GABRG3: variants seen among roughly 807,000 people sequenced by gnomAD.
GABRG3 encodes gamma-aminobutyric acid type A receptor subunit gamma3, also known as gamma-aminobutyric acid receptor subunit gamma-3.
GABRG3 carries 25 observed loss-of-function variants against 48.8 expected under a neutral mutation model. That is an observed-to-expected ratio of 0.51 (90% CI 0.37 to 0.72). The LOEUF is 0.72. GABRG3 is among the 30% of genes least tolerant of loss of function. GABRG3 has a pLI of 0.00. For missense variants in GABRG3, 394 were observed against 577.9 expected (o/e 0.68, Z 3.26); for synonymous variants, 227 against 217.6 (o/e 1.04, Z -0.38).
At chr15:27,531,457 C>T (rs1891422638) in intron 9 of GABRG3, among the ~76,000 whole-genome samples, 1 of 152,194 alleles carries the variant, frequency 6.6e-6, no homozygotes, top group Middle Eastern at 3.2e-3. Context: ...TGTTACGATG[C>T]TTTCTAATGA....
chr15:27,283,730 C>T (rs1262143386), intron 3 of GABRG3, among the ~76,000 whole-genome samples: 6 of 152,174 alleles, frequency 3.9e-5, no homozygotes, highest in African/African-American at 1.4e-4. Context: ...TTCCCCAGCA[C>T]TCTGAGGCAT....
intron 5 of GABRG3, among the ~76,000 whole-genome samples, chr15:27,403,300 C>G (rs548937902): frequency 6.6e-6 from 1 of 152,008 alleles, no homozygotes; most frequent in South Asian, 2.1e-4. Context: ...AAGAGCCAGG[C>G]ATATGTAATT....
At chr15:27,392,811 C>T (rs1887177125) in intron 5 of GABRG3, among the ~76,000 whole-genome samples, 1 of 152,146 alleles carries the variant, frequency 6.6e-6, no homozygotes, top group Non-Finnish European at 1.5e-5. Flanking sequence ...GGGTTATAAC[C>T]CAACATTACT....
chr15:27,189,349 C>T (rs62001267), intron 3 of GABRG3, among the ~76,000 whole-genome samples: 39,994 of 151,894 alleles, frequency 0.26, 5,665 homozygotes, highest in South Asian at 0.44. Context: ...ATTGATTCTT[C>T]CTACCCATGA....
intron 3 of GABRG3, among the ~76,000 whole-genome samples, chr15:27,229,006 C>T (rs183558955): frequency 1.7e-3 from 257 of 152,216 alleles, no homozygotes; most frequent in African/African-American, 5.5e-3. Context: ...TTATTCTATT[C>T]TGTAGGTTGT....
At chr15:27,171,581 G>T (rs1176887896) in intron 3 of GABRG3, among the ~76,000 whole-genome samples, 3 of 150,658 alleles carry the variant, frequency 2.0e-5, no homozygotes, top group African/African-American at 7.3e-5. Flanking sequence ...TATATAGAGA[G>T]AGAGAGATGC....
At chr15:27,351,423 A>ATGTT (rs201787650) in intron 5 of GABRG3, among the ~76,000 whole-genome samples, 2,528 of 91,832 alleles carry the variant, frequency 0.028, 90 homozygotes, top group African/African-American at 0.099. Context: ...GTGTGTGTGT[A>ATGTT]TGTGTGTATG....
chr15:27,189,309 T>G, intron 3 of GABRG3, among the ~76,000 whole-genome samples: 1 of 151,772 alleles, frequency 6.6e-6, no homozygotes, highest in African/African-American at 2.4e-5. Context: ...ATCTATAAAT[T>G]ACCTTGGGCA....
At chr15:27,274,299 C>T (rs1891182897) in intron 3 of GABRG3, among the ~76,000 whole-genome samples, 1 of 152,248 alleles carries the variant, frequency 6.6e-6, no homozygotes, top group Non-Finnish European at 1.5e-5. Flanking sequence ...AACACGACAC[C>T]TGAGGCTGGG....
intron 2 of GABRG3, among the ~76,000 whole-genome samples, chr15:27,008,529 T>G (rs1175154341): frequency 6.6e-6 from 1 of 152,352 alleles, no homozygotes; most frequent in East Asian, 1.9e-4. Flanking sequence ...GGTACTCTGC[T>G]GTGCTAGAAG....
chr15:27,434,363 C>A (rs1279510752), intron 5 of GABRG3, among the ~76,000 whole-genome samples: 2 of 152,116 alleles, frequency 1.3e-5, no homozygotes, highest in African/African-American at 4.8e-5. Flanking sequence ...AAGCACAGAG[C>A]AAAAGAAACG....
intron 3 of GABRG3, among the ~76,000 whole-genome samples, chr15:27,176,847 C>T (rs1021110296): frequency 6.6e-5 from 10 of 152,112 alleles, no homozygotes; most frequent in African/African-American, 2.2e-4. Flanking sequence ...CAGCTACCTG[C>T]GTTTACTATT....
chr15:27,503,363 C>G (rs1036189973), intron 6 of GABRG3, among the ~76,000 whole-genome samples: 2 of 152,232 alleles, frequency 1.3e-5, no homozygotes, highest in Admixed American at 6.5e-5. Context: ...TCGATCACCA[C>G]ATGGGCCTCT....
intron 5 of GABRG3, among the ~76,000 whole-genome samples, chr15:27,384,980 T>C (rs1416278563): frequency 6.6e-6 from 1 of 152,190 alleles, no homozygotes. Context: ...TTTTCATACT[T>C]GCATACATCT....
intron 3 of GABRG3, among the ~76,000 whole-genome samples, chr15:27,053,364 A>G (rs1186621126): frequency 1.3e-5 from 2 of 152,244 alleles, no homozygotes; most frequent in South Asian, 2.1e-4. Context: ...AAGACATACA[A>G]GTGACCAACA....
intron 5 of GABRG3, among the ~76,000 whole-genome samples, chr15:27,379,903 C>G (rs780378418): frequency 6.6e-6 from 1 of 151,844 alleles, no homozygotes; most frequent in Non-Finnish European, 1.5e-5. Flanking sequence ...GCTGAGTTCC[C>G]GAATCCGTGA....
intron 3 of GABRG3, among the ~76,000 whole-genome samples, chr15:27,133,215 C>T (rs1897951022): frequency 2.0e-5 from 3 of 152,118 alleles, no homozygotes; most frequent in African/African-American, 7.2e-5. Context: ...TCTTAACATA[C>T]AGCTGGCTTT....
chr15:27,309,117 A>AAC (rs1490621015), intron 3 of GABRG3, among the ~76,000 whole-genome samples: 2 of 149,624 alleles, frequency 1.3e-5, no homozygotes, highest in Non-Finnish European at 3.0e-5. Flanking sequence ...TTTATATAGA[A>AAC]ACATATAATG....
chr15:27,171,390 A>G (rs975810308), intron 3 of GABRG3, among the ~76,000 whole-genome samples: 6 of 152,060 alleles, frequency 3.9e-5, no homozygotes, highest in East Asian at 1.9e-4. Context: ...GAAATAAAGG[A>G]ACGTTGTCGT....
Sources: gnomAD v4.1 joint callset for allele counts (sites outside exome capture counted in the v4.1 genomes callset) on GRCh38, gnomAD v4.1.1 for gene constraint, MANE v1.5 for transcripts, NCBI Gene and HGNC (gene_info 2026-07-23, HGNC 2026-07-21) for gene names.